Variants in TCF7L1 observed in about 807,000 individuals in gnomAD.
TCF7L1 encodes the protein transcription factor 7-like 1.
Under a neutral mutation model 63.7 loss-of-function variants are expected in TCF7L1, and 18 were observed. That is an observed-to-expected ratio of 0.28 (90% CI 0.20 to 0.42). The LOEUF (loss-of-function observed/expected upper bound fraction) is 0.42. Ranked by LOEUF, TCF7L1 falls within the 10% of genes least tolerant of loss-of-function variation. TCF7L1 has a pLI of 1.00. For missense variants in TCF7L1, 654 were observed against 779.3 expected (o/e 0.84, Z 1.91); for synonymous variants, 355 against 340.9 (o/e 1.04, Z -0.46).
intron 5 of TCF7L1, among the ~76,000 whole-genome samples, chr2:85,303,174 G>A (rs548137092): frequency 3.0e-4 from 45 of 152,066 alleles, no homozygotes; most frequent in Non-Finnish European, 6.3e-4. Context: ...GGGACCACAG[G>A]CGCATGCCAC....
At chr2:85,277,279 C>T (rs1681295407) in intron 3 of TCF7L1, among the ~76,000 whole-genome samples, 1 of 152,082 alleles carries the variant, frequency 6.6e-6, no homozygotes, top group African/African-American at 2.4e-5. Flanking sequence ...CGGGGAGACA[C>T]GGATCGCTTC....
At chr2:85,248,997 A>AG (rs1051652857) in intron 3 of TCF7L1, among the ~76,000 whole-genome samples, 13 of 136,358 alleles carry the variant, frequency 9.5e-5, no homozygotes, top group Non-Finnish European at 1.5e-4. Context: ...TCCCTTGGGG[A>AG]GGGAAAAAAA....
chr2:85,303,079 G>T (rs537552984), intron 5 of TCF7L1, among the ~76,000 whole-genome samples: 48 of 152,308 alleles, frequency 3.2e-4, no homozygotes, highest in African/African-American at 1.0e-3. Flanking sequence ...CGCCCAAGCT[G>T]GAGTGCAGTA....
At chr2:85,286,518 G>A (rs1249737512) in intron 4 of TCF7L1, among the ~76,000 whole-genome samples, 2 of 151,894 alleles carry the variant, frequency 1.3e-5, no homozygotes, top group South Asian at 2.1e-4. Context: ...CAAAAAAGAC[G>A]GAGTTTTGCT....
intron 3 of TCF7L1, among the ~76,000 whole-genome samples, chr2:85,279,217 A>G (rs376907096): frequency 1.3e-5 from 2 of 152,318 alleles, no homozygotes; most frequent in African/African-American, 4.8e-5. Flanking sequence ...GCTCCCACCC[A>G]TGAGTGATTG....
chr2:85,193,475 A>C (rs1679084003), intron 3 of TCF7L1, among the ~76,000 whole-genome samples: 1 of 152,190 alleles, frequency 6.6e-6, no homozygotes. Context: ...GCTTGAACCC[A>C]GGAGTTCAAG....
chr2:85,192,669 C>T (rs949507852), intron 3 of TCF7L1, among the ~76,000 whole-genome samples: 3 of 150,890 alleles, frequency 2.0e-5, no homozygotes, highest in Non-Finnish European at 4.4e-5. Flanking sequence ...ACGTGTGAGC[C>T]GTGGCACCTG....
At chr2:85,243,134 A>G (rs1323852874) in intron 3 of TCF7L1, among the ~76,000 whole-genome samples, 1 of 152,208 alleles carries the variant, frequency 6.6e-6, no homozygotes, top group African/African-American at 2.4e-5. Context: ...GCAGTTTATT[A>G]ATAATCAGTT....
chr2:85,135,523 A>C (rs1677572349), intron 3 of TCF7L1, among the ~76,000 whole-genome samples: 1 of 152,190 alleles, frequency 6.6e-6, no homozygotes, highest in African/African-American at 2.4e-5. Flanking sequence ...TCCCAGCAAC[A>C]CACTTTATGC....
chr2:85,277,269 C>T (rs760730897), intron 3 of TCF7L1, among the ~76,000 whole-genome samples: 5 of 152,040 alleles, frequency 3.3e-5, no homozygotes, highest in Admixed American at 3.3e-4. Context: ...AGAATGGAGA[C>T]GGGGAGACAC....
intron 3 of TCF7L1, among the ~76,000 whole-genome samples, chr2:85,275,055 T>C (rs1037834989): frequency 2.6e-5 from 4 of 152,206 alleles, no homozygotes; most frequent in Non-Finnish European, 2.9e-5. Flanking sequence ...TAAGTGGGGT[T>C]CAGCTAGGAC....
chr2:85,205,713 G>T (rs1572991189), intron 3 of TCF7L1, among the ~76,000 whole-genome samples: 1 of 152,160 alleles, frequency 6.6e-6, no homozygotes, highest in East Asian at 1.9e-4. Flanking sequence ...TAGAGAAGGG[G>T]TTTCACCATG....
chr2:85,271,922 C>T (rs1403705445), intron 3 of TCF7L1, among the ~76,000 whole-genome samples: 1 of 152,200 alleles, frequency 6.6e-6, no homozygotes, highest in South Asian at 2.1e-4. Context: ...ACTGATGACT[C>T]AATGGAGAGA....
chr2:85,237,430 G>A (rs575531056), intron 3 of TCF7L1, among the ~76,000 whole-genome samples: 2 of 152,188 alleles, frequency 1.3e-5, no homozygotes, highest in South Asian at 2.1e-4. Context: ...TGCTGTCTGG[G>A]GCTTCCACAG....
At chr2:85,234,153 T>TTTTTTTTTTTTTTTTTC (rs1558641614) in intron 3 of TCF7L1, among the ~76,000 whole-genome samples, 4 of 134,400 alleles carry the variant, frequency 3.0e-5, no homozygotes, top group Admixed American at 2.2e-4. Flanking sequence ...TTTTTTTTTT[T>TTTTTTTTTTTTTTTTTC]CGAGATGGAG....
At chr2:85,152,978 T>C (rs1353684768) in intron 3 of TCF7L1, among the ~76,000 whole-genome samples, 2 of 152,366 alleles carry the variant, frequency 1.3e-5, no homozygotes, top group Middle Eastern at 6.8e-3. Context: ...TACCTGTTTT[T>C]GAAAGGGCAT....
At chr2:85,213,147 T>G (rs1679613802) in intron 3 of TCF7L1, among the ~76,000 whole-genome samples, 2 of 35,790 alleles carry the variant, frequency 5.6e-5, no homozygotes, top group Admixed American at 3.3e-4. Context: ...TCCCTGTGGC[T>G]GGGGTGGGGG....
At chr2:85,156,866 A>G (rs984167819) in intron 3 of TCF7L1, among the ~76,000 whole-genome samples, 2 of 152,140 alleles carry the variant, frequency 1.3e-5, no homozygotes, top group African/African-American at 4.8e-5. Flanking sequence ...CAATGCCTGG[A>G]GATATTTTGG....
intron 3 of TCF7L1, among the ~76,000 whole-genome samples, chr2:85,279,830 G>A (rs1045605288): frequency 2.6e-5 from 4 of 152,144 alleles, no homozygotes; most frequent in South Asian, 4.1e-4. Context: ...ACTGTTCCCA[G>A]GACCACCTCT....
Sources: gnomAD v4.1 joint callset for allele counts (sites outside exome capture counted in the v4.1 genomes callset) on GRCh38, gnomAD v4.1.1 for gene constraint, MANE v1.5 for transcripts, NCBI Gene and HGNC (gene_info 2026-07-23, HGNC 2026-07-21) for gene names.